The following ADGB variants were observed in gnomAD, a reference collection of about 807,000 sequenced individuals.
ADGB encodes the protein androglobin, also known as calpain-7-like protein.
A neutral mutation model predicts 210.5 loss-of-function variants in ADGB; 172 were observed. The observed-to-expected ratio is 0.82, with a 90% confidence interval of 0.72 to 0.93. ADGB has a LOEUF of 0.93. Among genes scored for constraint, ADGB ranks in the 40% least tolerant of loss-of-function variants. The pLI is 0.00. For missense variants in ADGB, 2,025 were observed against 1,964.8 expected (o/e 1.03, Z -0.58); for synonymous variants, 658 against 662.7 (o/e 0.99, Z 0.11).
At chr6:146,683,628 C>G (rs927036327) in intron 9 of ADGB, among the ~76,000 whole-genome samples, 1 of 152,008 alleles carries the variant, frequency 6.6e-6, no homozygotes, top group Non-Finnish European at 1.5e-5. Context: ...AACATCATTT[C>G]TATAATATGT....
intron 9 of ADGB, among the ~76,000 whole-genome samples, chr6:146,677,327 C>A (rs4576267): frequency 0.18 from 27,782 of 152,032 alleles, 3,055 homozygotes; most frequent in Admixed American, 0.26. Flanking sequence ...ATCATTTTCA[C>A]CTCATCCTTT....
intron 1 of ADGB, among the ~76,000 whole-genome samples, chr6:146,631,338 T>G (rs1382851381): frequency 2.6e-5 from 4 of 152,166 alleles, no homozygotes; most frequent in Non-Finnish European, 4.4e-5. Context: ...TTTTGTGGTA[T>G]AACCATTTTG....
intron 1 of ADGB, among the ~76,000 whole-genome samples, chr6:146,627,295 G>A (rs1396015170): frequency 1.3e-5 from 2 of 151,960 alleles, no homozygotes; most frequent in Admixed American, 1.3e-4. Flanking sequence ...CTCTCCATTA[G>A]TCATATGTTC....
chr6:146,693,980 A>T (rs1296835037), intron 12 of ADGB, among the ~76,000 whole-genome samples: 1 of 152,132 alleles, frequency 6.6e-6, no homozygotes, highest in Non-Finnish European at 1.5e-5. Flanking sequence ...ACAGACACGT[A>T]TATATTTTCT....
intron 20 of ADGB, among the ~76,000 whole-genome samples, chr6:146,732,787 C>A (rs1176786934): frequency 2.0e-5 from 3 of 152,006 alleles, no homozygotes; most frequent in African/African-American, 7.2e-5. Flanking sequence ...ATCTTAGAAT[C>A]AATAAAATAA....
intron 3 of ADGB, among the ~76,000 whole-genome samples, chr6:146,647,661 C>G (rs1775641047): frequency 6.6e-6 from 1 of 151,988 alleles, no homozygotes; most frequent in Non-Finnish European, 1.5e-5. Context: ...ATTTTAGCAT[C>G]AGGCCACAAC....
chr6:146,761,570 T>A (rs182365732), intron 27 of ADGB, among the ~76,000 whole-genome samples: 79 of 152,190 alleles, frequency 5.2e-4, no homozygotes, highest in African/African-American at 1.7e-3. Flanking sequence ...ATGAACACAG[T>A]ACATCCCTCA....
chr6:146,602,276 C>A (rs923260081), intron 1 of ADGB, among the ~76,000 whole-genome samples: 1 of 152,170 alleles, frequency 6.6e-6, no homozygotes, highest in Non-Finnish European at 1.5e-5. Flanking sequence ...CTTACCCCAG[C>A]ATGTCCTGTT....
chr6:146,803,031 A>G (rs1778155348), intron 35 of ADGB: 9 of 1,593,774 alleles, frequency 5.6e-6, no homozygotes, highest in Non-Finnish European at 7.7e-6. Context: ...GCTTTTAAGT[A>G]GTGACTTTAC....
At chr6:146,766,909 A>G (rs1777585125) in intron 28 of ADGB, among the ~76,000 whole-genome samples, 1 of 152,212 alleles carries the variant, frequency 6.6e-6, no homozygotes, top group Non-Finnish European at 1.5e-5. Flanking sequence ...GAAATCTTTT[A>G]CCATTGGAAA....
At chr6:146,805,569 C>G (rs1295404348) in intron 35 of ADGB, among the ~76,000 whole-genome samples, 1 of 152,186 alleles carries the variant, frequency 6.6e-6, no homozygotes, top group African/African-American at 2.4e-5. Context: ...ATTATGACCT[C>G]CAGAGCTTTC....
chr6:146,814,146 G>A (rs1255233410), intron 35 of ADGB, among the ~76,000 whole-genome samples: 4 of 152,114 alleles, frequency 2.6e-5, no homozygotes, highest in Non-Finnish European at 5.9e-5. Context: ...CAGGAAGTCC[G>A]ATTCTGACAT....
intron 35 of ADGB, chr6:146,807,256 A>T (rs1778225457): frequency 1.3e-6 from 1 of 752,472 alleles, no homozygotes. Context: ...TAAGCTTTTG[A>T]GACCATACAC....
chr6:146,706,007 C>T (rs1359970511), intron 13 of ADGB, among the ~76,000 whole-genome samples: 2 of 151,146 alleles, frequency 1.3e-5, no homozygotes, highest in African/African-American at 4.9e-5. Context: ...TAACTGCAGC[C>T]TTGAACTCCT....
intron 13 of ADGB, among the ~76,000 whole-genome samples, chr6:146,704,409 T>A (rs1370265647): frequency 6.6e-6 from 1 of 152,038 alleles, no homozygotes; most frequent in African/African-American, 2.4e-5. Context: ...TTATCCCTTA[T>A]GTTTTCTTCT....
chr6:146,721,517 C>A lies in ADGB; in HGVS notation c.2095+12C>A, dbSNP rs1583605901. 4.6e-6 allele frequency: 6 copies of A among 1,304,080 alleles called. No individual in the cohort carries two copies. Among genetic ancestry groups the A allele is most frequent in the Non-Finnish European group, 6.1e-6 (6 of 978,480 alleles). 80.8% of individuals were successfully genotyped at this position (1,304,080 alleles called of 1,614,324 possible). ...GGGGGAGTATGGAGGTAAGAGGGCTCTGAGAAAATGATAGCCTTAAAGCCT... is the reference window on the plus strand; with the variant it reads ...GGGGGAGTATGGAGGTAAGAGGGCTATGAGAAAATGATAGCCTTAAAGCCT... On this transcript the variant is annotated intron_variant, in intron 17 of 35. Coordinates refer to ENST00000397944, the MANE Select transcript of ADGB (RefSeq NM_024694.4).
chr6:146,720,604 G>A (rs1419534041), intron 16 of ADGB, among the ~76,000 whole-genome samples: 3 of 152,160 alleles, frequency 2.0e-5, no homozygotes, highest in Non-Finnish European at 4.4e-5. Flanking sequence ...TAGAAAAGAG[G>A]TTTAATTGAC....
chr6:146,677,444 T>G (rs1776100558), intron 9 of ADGB, among the ~76,000 whole-genome samples: 1 of 152,278 alleles, frequency 6.6e-6, no homozygotes, highest in East Asian at 1.9e-4. Context: ...TTTTAATAAT[T>G]ATGGCTTTTT....
chr6:146,769,121 T>C lies in ADGB; in HGVS notation c.3852T>C (p.Ser1284=), dbSNP rs560937257. ...FVQALKDLKK[S]NTKAYGERHE... ...AAGCACTGAAAGACTTAAAGAAAAG[T>C]AATACCAAAGGTATGTCACCCTAAA... The change falls in exon 29 of 36, where the codon AGT becomes AGC. Residue 1284 remains serine, a synonymous_variant. Transcript: ENST00000397944. The C allele has an allele frequency of 1.3e-6, 2 of 1,516,872 alleles. No individual in the cohort carries two copies. The highest frequency in any genetic ancestry group is 2.5e-5 in the South Asian group (2 of 80,206). 94.0% of individuals were successfully genotyped at this position (1,516,872 alleles called of 1,614,324 possible).
Sources: allele counts gnomAD v4.1 joint callset (sites outside exome capture counted in the v4.1 genomes callset), GRCh38; gene constraint gnomAD v4.1.1; transcripts MANE v1.5; gene names NCBI Gene and HGNC (gene_info 2026-07-23, HGNC 2026-07-21).